Variants in FRMD4B observed in about 807,000 individuals in gnomAD.
The protein encoded by FRMD4B is FERM domain-containing protein 4B.
In FRMD4B, 74 loss-of-function variants were observed where a neutral mutation model predicts 141.5. The observed-to-expected ratio is 0.52, with a 90% confidence interval of 0.43 to 0.63. The LOEUF (loss-of-function observed/expected upper bound fraction) is 0.63, where lower values mean the gene tolerates loss of function less well. FRMD4B is among the 30% of genes least tolerant of loss of function. The pLI, the probability that FRMD4B is intolerant of heterozygous loss-of-function variation, is 0.00. For synonymous variants in FRMD4B, 506 were observed against 467.9 expected (o/e 1.08, Z -1.05); for missense variants, 1,366 against 1,253.4 (o/e 1.09, Z -1.36).
chr3:69,451,156 G>A (rs1705491813), intron 1 of FRMD4B, among the ~76,000 whole-genome samples: 1 of 152,196 alleles, frequency 6.6e-6, no homozygotes. Context: ...GGTAATATCA[G>A]AGGATGATGT....
intron 10 of FRMD4B, among the ~76,000 whole-genome samples, chr3:69,217,294 A>G (rs1301285823): frequency 6.6e-6 from 1 of 152,228 alleles, no homozygotes; most frequent in Non-Finnish European, 1.5e-5. Flanking sequence ...TTAGACAGAT[A>G]CCTATATGCA....
intron 1 of FRMD4B, among the ~76,000 whole-genome samples, chr3:69,375,391 G>C (rs1466185494): frequency 6.6e-6 from 1 of 151,756 alleles, no homozygotes; most frequent in Non-Finnish European, 1.5e-5. Context: ...AGTGTTTTTA[G>C]TGCTTTTAAA....
At position 69,425,185 on chromosome 3, in the gene FRMD4B, A is replaced by G. The variant is rs140393936; in HGVS notation, c.-1+7449T>C. On this transcript the variant is annotated intron_variant, in intron 2 of 5. Transcript: ENST00000459638. ...ATGCCTTCTTAACAATATCCAGTGT[A>G]TTAGCGTCACCTCCTTCTTACACAG... Among the ~76,000 whole-genome samples, 152 of 152,326 alleles carry G rather than the reference A, an allele frequency of 1.0e-3. 1 individual carries two copies. Among genetic ancestry groups the G allele is most frequent in the Non-Finnish European group, 1.4e-3 (92 of 68,034 alleles).
At chr3:69,484,229 G>A (rs1363369537) in intron 1 of FRMD4B, among the ~76,000 whole-genome samples, 5 of 152,194 alleles carry the variant, frequency 3.3e-5, no homozygotes, top group African/African-American at 1.2e-4. Context: ...AACAGTTCAA[G>A]ACAAAGAAGT....
intron 5 of FRMD4B, among the ~76,000 whole-genome samples, chr3:69,262,069 C>T (rs1485049866): frequency 1.3e-5 from 2 of 151,876 alleles, no homozygotes; most frequent in African/African-American, 4.8e-5. Flanking sequence ...CAGGTGCAAG[C>T]GATTCTCATG....
intron 7 of FRMD4B, among the ~76,000 whole-genome samples, chr3:69,227,850 T>C (rs77456254): frequency 0.019 from 2,847 of 151,796 alleles, 93 homozygotes; most frequent in East Asian, 0.078. Context: ...AATTTGACTA[T>C]AGACTTTTGC....
chr3:69,484,042 G>A (rs1001456642), intron 1 of FRMD4B, among the ~76,000 whole-genome samples: 1 of 152,104 alleles, frequency 6.6e-6, no homozygotes, highest in Non-Finnish European at 1.5e-5. Flanking sequence ...CTTTGGTCTT[G>A]CTTCTTTATT....
intron 1 of FRMD4B, among the ~76,000 whole-genome samples, chr3:69,520,309 TG>T (rs1229091742): frequency 2.8e-5 from 3 of 108,596 alleles, no homozygotes; most frequent in African/African-American, 4.5e-5. Flanking sequence ...ATATATATGA[TG>T]GAATATATAT....
chr3:69,355,717 G>A (rs1308047785), intron 1 of FRMD4B, among the ~76,000 whole-genome samples: 1 of 152,072 alleles, frequency 6.6e-6, no homozygotes. Context: ...TAGAGATGGA[G>A]TCTACCAGGA....
intron 1 of FRMD4B, among the ~76,000 whole-genome samples, chr3:69,491,235 A>C (rs1706296709): frequency 6.6e-6 from 1 of 152,170 alleles, no homozygotes; most frequent in Non-Finnish European, 1.5e-5. Flanking sequence ...CAAAATGAAG[A>C]TCACTCCAGG....
At chr3:69,415,110 C>T (rs1008634602) in intron 2 of FRMD4B, among the ~76,000 whole-genome samples, 10 of 151,102 alleles carry the variant, frequency 6.6e-5, no homozygotes, top group South Asian at 2.1e-4. Flanking sequence ...GTGATCTACC[C>T]GCCTTGGCCT....
chr3:69,341,794 T>C (rs1702747260), intron 1 of FRMD4B, among the ~76,000 whole-genome samples: 1 of 152,224 alleles, frequency 6.6e-6, no homozygotes, highest in South Asian at 2.1e-4. Flanking sequence ...AGCTTGCCTT[T>C]TTGCCTTTTG....
chr3:69,442,096 C>CTT (rs555745880), intron 1 of FRMD4B, among the ~76,000 whole-genome samples: 9 of 142,434 alleles, frequency 6.3e-5, no homozygotes, highest in African/African-American at 1.0e-4. Context: ...AAAGAAGTTT[C>CTT]TTTTTTTTTT....
intron 10 of FRMD4B, among the ~76,000 whole-genome samples, chr3:69,217,787 T>C (rs2093156387): frequency 6.6e-6 from 1 of 152,150 alleles, no homozygotes; most frequent in South Asian, 2.1e-4. Context: ...TTATTTCTCT[T>C]CCAAACAAGA....
chr3:69,335,341 T>C (rs867886037), intron 1 of FRMD4B, among the ~76,000 whole-genome samples: 5 of 151,598 alleles, frequency 3.3e-5, no homozygotes, highest in South Asian at 2.1e-4. Flanking sequence ...GGTTAAGACA[T>C]TGTTGCATAA....
intron 1 of FRMD4B, among the ~76,000 whole-genome samples, chr3:69,324,921 C>T (rs1249714301): frequency 6.6e-6 from 1 of 151,440 alleles, no homozygotes; most frequent in Non-Finnish European, 1.5e-5. Context: ...AGGGTAAGAC[C>T]CTGTCTCTAC....
chr3:69,440,724 C>T (rs1174588078), intron 1 of FRMD4B, among the ~76,000 whole-genome samples: 1 of 152,168 alleles, frequency 6.6e-6, no homozygotes, highest in Admixed American at 6.5e-5. Context: ...ACAAGAATCG[C>T]TTGAACCTGG....
chr3:69,380,518 T>C (rs1704088512), intron 1 of FRMD4B, among the ~76,000 whole-genome samples: 1 of 152,218 alleles, frequency 6.6e-6, no homozygotes, highest in South Asian at 2.1e-4. Context: ...ATATGTTCCG[T>C]CATGAATTTC....
chr3:69,351,761 C>T (rs528130311), intron 1 of FRMD4B, among the ~76,000 whole-genome samples: 44 of 152,294 alleles, frequency 2.9e-4, no homozygotes, highest in South Asian at 2.5e-3. Context: ...CTGCCCCTAA[C>T]GGGATAGGAA....
Sources: gnomAD v4.1 joint callset for allele counts (sites outside exome capture counted in the v4.1 genomes callset) on GRCh38, gnomAD v4.1.1 for gene constraint, MANE v1.5 for transcripts, NCBI Gene and HGNC (gene_info 2026-07-23, HGNC 2026-07-21) for gene names.